The following FNDC3A variants were observed in gnomAD, a reference collection of about 807,000 sequenced individuals.
FNDC3A encodes the protein fibronectin type III domain containing 3A.
FNDC3A carries 32 observed loss-of-function variants against 148.9 expected under a neutral mutation model. That is an observed-to-expected ratio of 0.21 (90% CI 0.16 to 0.29). The LOEUF (loss-of-function observed/expected upper bound fraction) is 0.29, where lower values mean the gene tolerates loss of function less well. Among genes scored for constraint, FNDC3A ranks in the 10% least tolerant of loss-of-function variants. The probability of loss-of-function intolerance (pLI) is 1.00; values close to 1 mark genes in which losing one functional copy is unlikely to be tolerated. For missense variants in FNDC3A, 1,191 were observed against 1,452.8 expected (o/e 0.82, Z 2.93); for synonymous variants, 472 against 473.6 (o/e 1.00, Z 0.04).
chr13:49,016,776 C>T (rs1382058622), intron 2 of FNDC3A, among the ~76,000 whole-genome samples: 4 of 152,006 alleles, frequency 2.6e-5, no homozygotes, highest in African/African-American at 4.8e-5. Flanking sequence ...GCTTTGAATG[C>T]GTCCCAGAGA....
At chr13:48,991,422 C>T (rs1387341903) in intron 1 of FNDC3A, among the ~76,000 whole-genome samples, 1 of 152,194 alleles carries the variant, frequency 6.6e-6, no homozygotes, top group Non-Finnish European at 1.5e-5. Flanking sequence ...GGCAGTGGCT[C>T]ATGTTTGTAA....
intron 14 of FNDC3A, among the ~76,000 whole-genome samples, chr13:49,182,656 T>C (rs763759238): frequency 1.4e-4 from 22 of 152,210 alleles, no homozygotes; most frequent in Admixed American, 4.6e-4. Flanking sequence ...TCCTTGTTTT[T>C]TGAGGTCTTT....
At chr13:49,066,255 G>A (rs1877253560) in intron 2 of FNDC3A, among the ~76,000 whole-genome samples, 1 of 152,120 alleles carries the variant, frequency 6.6e-6, no homozygotes, top group Non-Finnish European at 1.5e-5. Context: ...TTGAGTCAGA[G>A]ACAAAAGAAT....
chr13:49,113,489 A>T (rs371373596), intron 3 of FNDC3A, among the ~76,000 whole-genome samples: 1 of 151,936 alleles, frequency 6.6e-6, no homozygotes, highest in African/African-American at 2.4e-5. Flanking sequence ...TGTGACCTCC[A>T]TGTCCTTTAT....
In FNDC3A at chr13:49,199,778, G is replaced by C. The variant is rs9568166; in HGVS notation, c.2987+1204G>C. Among the ~76,000 whole-genome samples, 262 of 152,280 alleles carry C rather than the reference G, an allele frequency of 1.7e-3. 2 individuals carry two copies. Among genetic ancestry groups the C allele is most frequent in the Admixed American group, 0.011 (170 of 15,296 alleles). On this transcript the variant is annotated intron_variant, in intron 23 of 25. Coordinates refer to ENST00000492622, the MANE Select transcript of FNDC3A (RefSeq NM_001079673.2). ...GTTTTTCACTGTGTGATCTCAGTTA[G>C]ATTCTGTGATTAATTATCTAGTCCC...
At chr13:49,090,782 G>A (rs1392733309) in intron 3 of FNDC3A, among the ~76,000 whole-genome samples, 5 of 152,094 alleles carry the variant, frequency 3.3e-5, no homozygotes, top group Admixed American at 3.3e-4. Flanking sequence ...TAGGAGGATC[G>A]TTTGAGGCCA....
intron 4 of FNDC3A, among the ~76,000 whole-genome samples, chr13:49,127,682 A>T (rs1439414049): frequency 1.3e-5 from 2 of 152,154 alleles, no homozygotes; most frequent in Admixed American, 6.5e-5. Flanking sequence ...TTAACAGTCT[A>T]TTCAACATTT....
chr13:49,164,368 T>G (rs1398391076), intron 8 of FNDC3A, among the ~76,000 whole-genome samples: 1 of 152,198 alleles, frequency 6.6e-6, no homozygotes, highest in African/African-American at 2.4e-5. Context: ...GCAGAAGACC[T>G]TTTTGCATTC....
chr13:49,052,954 T>G (rs562779559), intron 2 of FNDC3A, among the ~76,000 whole-genome samples: 50 of 151,890 alleles, frequency 3.3e-4, no homozygotes, highest in African/African-American at 1.2e-3. Context: ...TCCCAGGGGG[T>G]TTACAGCTGC....
rs985141185 is a variant in FNDC3A, at chr13:49,167,144, A to T, written c.978-100A>T. 1.9e-4 allele frequency: 120 copies of T among 636,740 alleles called. 1 individual carries two copies. The highest frequency in any genetic ancestry group is 8.5e-5 in the Admixed American group (3 of 35,166). 39.4% of individuals were successfully genotyped at this position (636,740 alleles called of 1,614,324 possible). A position where few individuals can be genotyped will look rare whatever the true frequency, so the allele number is the denominator to read the frequency against. Reference sequence around the variant, plus strand: ...ATACAGTTACAGTTGGTAAAGAAAGAAGTAGTTTCATAAAATACTCTAAAC... The same window carrying T: ...ATACAGTTACAGTTGGTAAAGAAAGTAGTAGTTTCATAAAATACTCTAAAC... On this transcript the variant is annotated intron_variant, in intron 8 of 25. Coordinates refer to ENST00000492622, the MANE Select transcript of FNDC3A (RefSeq NM_001079673.2).
intron 3 of FNDC3A, among the ~76,000 whole-genome samples, chr13:49,103,103 A>G (rs1439227534): frequency 6.6e-6 from 1 of 152,226 alleles, no homozygotes; most frequent in Non-Finnish European, 1.5e-5. Flanking sequence ...TAATATCTCT[A>G]TGAAATAGAA....
chr13:49,027,583 C>A (rs1466094665), intron 2 of FNDC3A, among the ~76,000 whole-genome samples: 1 of 152,006 alleles, frequency 6.6e-6, no homozygotes, highest in Non-Finnish European at 1.5e-5. Context: ...GGAGAGGGAA[C>A]TGAGGTTAGA....
chr13:49,061,112 GC>G (rs1289110451), intron 2 of FNDC3A, among the ~76,000 whole-genome samples: 1 of 151,572 alleles, frequency 6.6e-6, no homozygotes, highest in Admixed American at 6.6e-5. Context: ...GAAAGAGGGG[GC>G]TTGTGTTTGT....
chr13:49,053,519 A>C (rs1876003860), intron 2 of FNDC3A, among the ~76,000 whole-genome samples: 1 of 152,184 alleles, frequency 6.6e-6, no homozygotes, highest in Admixed American at 6.5e-5. Flanking sequence ...ATGAGACATC[A>C]GTCAGTACAT....
chr13:49,093,428 C>T (rs1052060350), intron 3 of FNDC3A, among the ~76,000 whole-genome samples: 4 of 152,158 alleles, frequency 2.6e-5, no homozygotes, highest in Non-Finnish European at 4.4e-5. Flanking sequence ...GGTTATCGAA[C>T]GATCCCTGTA....
At chr13:49,087,374 G>A (rs1274779871) in intron 3 of FNDC3A, among the ~76,000 whole-genome samples, 1 of 152,060 alleles carries the variant, frequency 6.6e-6, no homozygotes, top group Non-Finnish European at 1.5e-5. Flanking sequence ...GACATAAAAG[G>A]ATCTAAGCCT....
intron 16 of FNDC3A, 30 bp from the exon 17 acceptor site, chr13:49,188,485 T>C (rs758179831): frequency 2.2e-6 from 3 of 1,362,722 alleles, no homozygotes; most frequent in Non-Finnish European, 2.1e-6. Context: ...TTACCTAGTA[T>C]CTGATTGAAC....
chr13:49,119,686 G>A (rs768530594), intron 4 of FNDC3A, among the ~76,000 whole-genome samples: 41 of 151,714 alleles, frequency 2.7e-4, no homozygotes, highest in Non-Finnish European at 4.0e-4. Context: ...AGAACTTCGC[G>A]AAGCATACAC....
At chr13:49,019,276 T>A (rs1031349459) in intron 2 of FNDC3A, among the ~76,000 whole-genome samples, 6 of 152,226 alleles carry the variant, frequency 3.9e-5, no homozygotes, top group African/African-American at 1.4e-4. Flanking sequence ...TAGGACCCTC[T>A]GAGCTAGGTG....
Sources: gnomAD v4.1 joint callset for allele counts (sites outside exome capture counted in the v4.1 genomes callset) on GRCh38, gnomAD v4.1.1 for gene constraint, MANE v1.5 for transcripts, NCBI Gene and HGNC (gene_info 2026-07-23, HGNC 2026-07-21) for gene names.